PLCH1: variants seen among roughly 807,000 people sequenced by gnomAD.
PLCH1 encodes the protein 1-phosphatidylinositol 4,5-bisphosphate phosphodiesterase eta-1.
A neutral mutation model predicts 126.7 loss-of-function variants in PLCH1; 60 were observed. The ratio of observed to expected loss-of-function variants is 0.47; its 90% CI spans 0.38 to 0.59. PLCH1 has a LOEUF of 0.59. Among genes scored for constraint, PLCH1 ranks in the 20% least tolerant of loss-of-function variants. The pLI is 0.00. For synonymous variants in PLCH1, 719 were observed against 734.9 expected (o/e 0.98, Z 0.35); for missense variants, 1,723 against 2,040.0 (o/e 0.84, Z 2.99).
At chr3:155,474,932 TG>T (rs1467082073), downstream of PLCH1, among the ~76,000 whole-genome samples, 1 of 70,724 alleles carries the variant, frequency 1.4e-5, no homozygotes, top group Non-Finnish European at 2.6e-5. Flanking sequence ...TGTGGTGGGG[TG>T]GGGGGAGGGG....
At chr3:155,563,182 T>A (rs554157779) in intron 8 of PLCH1, among the ~76,000 whole-genome samples, 6 of 152,252 alleles carry the variant, frequency 3.9e-5, no homozygotes, top group African/African-American at 1.4e-4. Flanking sequence ...CTCTTCCTCT[T>A]TTCCCCTTCT....
rs548951521 is a variant in PLCH1 at position 155,726,483 on chromosome 3, T to C, written c.-41+18357A>G. On this transcript the variant is annotated intron_variant, in intron 1 of 22. Transcript: ENST00000460012. Reference sequence around the variant, plus strand: ...AGCTAAGCTTAAGATCCTCTCTTTATCTTTTGTGTTCTGCAGTTTAATTAT... The same window carrying C: ...AGCTAAGCTTAAGATCCTCTCTTTACCTTTTGTGTTCTGCAGTTTAATTAT... Among the ~76,000 whole-genome samples, 9 of 152,328 alleles carry C rather than the reference T, an allele frequency of 5.9e-5. No homozygotes were observed. The East Asian group carries it at 1.3e-3, about 23-fold the overall frequency.
intron 2 of PLCH1, among the ~76,000 whole-genome samples, chr3:155,616,203 T>G (rs1465882258): frequency 6.6e-6 from 1 of 152,202 alleles, no homozygotes; most frequent in Non-Finnish European, 1.5e-5. Flanking sequence ...CATGCATTTT[T>G]AGTAGAAAGG....
At chr3:155,628,961 C>A (rs74905960) in intron 2 of PLCH1, among the ~76,000 whole-genome samples, 2 of 152,190 alleles carry the variant, frequency 1.3e-5, no homozygotes, top group African/African-American at 4.8e-5. Context: ...ACTCTGCCAA[C>A]TGCAAGCCCA....
chr3:155,488,950 G>T (rs973766929), intron 19 of PLCH1, 144 bp from the exon 20 acceptor site: 5 of 639,450 alleles, frequency 7.8e-6, no homozygotes, highest in African/African-American at 7.5e-5. Context: ...ACTCAAGGAT[G>T]CCTTACTGGA....
At chr3:155,598,590 A>G (rs1375398403) in intron 2 of PLCH1, among the ~76,000 whole-genome samples, 2 of 152,214 alleles carry the variant, frequency 1.3e-5, no homozygotes, top group African/African-American at 2.4e-5. Flanking sequence ...TAAGAGAACA[A>G]AACATCTATA....
intron 21 of PLCH1, among the ~76,000 whole-genome samples, chr3:155,469,357 G>A (rs550073919): frequency 7.2e-5 from 11 of 152,330 alleles, no homozygotes; most frequent in East Asian, 5.8e-4. Flanking sequence ...CGAATACTGC[G>A]CTTTTCGGAC....
intron 2 of PLCH1, among the ~76,000 whole-genome samples, chr3:155,634,736 C>T (rs552775768): frequency 7.7e-4 from 117 of 152,308 alleles, no homozygotes; most frequent in Non-Finnish European, 1.5e-3. Context: ...CAAACCAAGC[C>T]TCATGCCAGA....
chr3:155,451,934 T>C (rs1323016496), intron 21 of PLCH1, among the ~76,000 whole-genome samples: 1 of 152,186 alleles, frequency 6.6e-6, no homozygotes, highest in Non-Finnish European at 1.5e-5. Context: ...TCAGCTCTTC[T>C]GCCGGGACTT....
Position 155,542,039 on chromosome 3 carries a change from C to T in PLCH1, c.1362+7748G>A, listed in dbSNP as rs1017762430. Among the ~76,000 whole-genome samples, 8 of 152,172 alleles carry T rather than the reference C, an allele frequency of 5.3e-5. No individual in the cohort carries two copies. The South Asian group carries it at 1.7e-3, about 31-fold the overall frequency. On this transcript the variant is annotated intron_variant, in intron 10 of 22. Transcript: ENST00000460012. ...GGAGTGCCAGACAGTGGGCGCAGGACAGTGGGTGCAGTGCACCATGCGCGA... is the reference window on the plus strand; with the variant it reads ...GGAGTGCCAGACAGTGGGCGCAGGATAGTGGGTGCAGTGCACCATGCGCGA...
intron 2 of PLCH1, among the ~76,000 whole-genome samples, chr3:155,624,779 G>C (rs1156519224): frequency 6.6e-6 from 1 of 152,166 alleles, no homozygotes; most frequent in East Asian, 1.9e-4. Flanking sequence ...CATGCTCACG[G>C]ATAGGAAGAA....
chr3:155,616,012 A>G (rs928004101), intron 2 of PLCH1, among the ~76,000 whole-genome samples: 1 of 152,106 alleles, frequency 6.6e-6, no homozygotes, highest in Non-Finnish European at 1.5e-5. Flanking sequence ...ATGGCTTTTG[A>G]TAATTGTTCA....
At chr3:155,469,185 G>A (rs1366679903) in intron 21 of PLCH1, among the ~76,000 whole-genome samples, 1 of 152,180 alleles carries the variant, frequency 6.6e-6, no homozygotes, top group Non-Finnish European at 1.5e-5. Context: ...TCACTAGGGA[G>A]TTACAGACAG....
chr3:155,628,560 T>A (rs1231919945), intron 2 of PLCH1, among the ~76,000 whole-genome samples: 1 of 151,856 alleles, frequency 6.6e-6, no homozygotes, highest in Non-Finnish European at 1.5e-5. Context: ...TTTTTTTTTT[T>A]TTTTTTGAGT....
At position 155,469,669 on chromosome 3, in the gene PLCH1, T is replaced by A. The variant is rs1713094562; in HGVS notation, c.2938+15687A>T. On this transcript the variant is annotated intron_variant, in intron 21 of 21. Coordinates refer to the PLCH1 transcript ENST00000494598. The stretch of plus-strand genomic sequence containing the variant: ...CAGCAGTAACCTCTGCAGACTTAAA[T>A]GTCCCTGTCTGACAGCTTTGAAGAG... 2.0e-5 allele frequency among the ~76,000 whole-genome samples: 3 copies of A among 151,898 alleles called. No individual in the cohort carries two copies. The South Asian group carries it at 6.2e-4, about 32-fold the overall frequency.
intron 10 of PLCH1, among the ~76,000 whole-genome samples, chr3:155,537,603 T>C (rs1374566427): frequency 2.6e-5 from 4 of 152,212 alleles, no homozygotes; most frequent in East Asian, 1.9e-4. Context: ...GCTATCCTTA[T>C]ATCAGACAAA....
At chr3:155,477,692 T>A (rs1037794787), downstream of PLCH1, among the ~76,000 whole-genome samples, 9 of 152,056 alleles carry the variant, frequency 5.9e-5, no homozygotes, top group Admixed American at 1.3e-4. Flanking sequence ...AAAACTACAA[T>A]GAGATATCAT....
rs186129701 is a variant in PLCH1, at chr3:155,520,212, C to G, written c.1470+3685G>C. Among the ~76,000 whole-genome samples, 16 of 152,282 alleles carry G rather than the reference C, an allele frequency of 1.1e-4. No homozygotes were observed. In the East Asian group the frequency reaches 2.9e-3, roughly 28 times the overall value. On this transcript the variant is annotated intron_variant, in intron 11 of 22. Transcript: ENST00000460012. The stretch of plus-strand genomic sequence containing the variant: ...GCTTTCAACAGCAAGACCTTGTAAC[C>G]TCAAGAGGTAACTCATGCTGTCTTT...
rs1183504157 is a variant in PLCH1, at chr3:155,504,593, G to A, written c.1666C>T (p.His556Tyr). The stretch of plus-strand genomic sequence containing the variant: ...AAGTTGGTCATGAGGGATCGTCCAT[G>A]TGATTTCTTTCCACTTTCCTTTACA... The part of the protein sequence containing the change: ...PDVKESGKKS[H>Y]GRSLMTNFGK... Residue 556 changes from histidine to tyrosine, a missense_variant, in exon 13 of 23, where the codon CAT becomes TAT. This residue lies in a region of PLCH1 where 776 missense variants were observed against 1,062.9 expected (regional missense o/e 0.73). Coordinates refer to ENST00000460012, the MANE Select transcript of PLCH1 (RefSeq NM_014996.4). The A allele has an allele frequency of 6.2e-7, 1 of 1,607,690 alleles. No homozygotes were observed. Among genetic ancestry groups the A allele is most frequent in the East Asian group, 2.2e-5 (1 of 44,842 alleles).
Sources: allele counts gnomAD v4.1 joint callset (sites outside exome capture counted in the v4.1 genomes callset), GRCh38; gene constraint gnomAD v4.1.1; regional missense constraint gnomAD v4.1.1; transcripts MANE v1.5; gene names NCBI Gene and HGNC (gene_info 2026-07-23, HGNC 2026-07-21).